The following ADGRL3 variants were observed in gnomAD, a reference collection of about 807,000 sequenced individuals.
ADGRL3 encodes calcium-independent alpha-latrotoxin receptor 3.
ADGRL3 carries 62 observed loss-of-function variants against 153.5 expected under a neutral mutation model. That is an observed-to-expected ratio of 0.40 (90% CI 0.33 to 0.50). The LOEUF (loss-of-function observed/expected upper bound fraction) is 0.50, where lower values mean the gene tolerates loss of function less well. Among genes scored for constraint, ADGRL3 ranks in the 20% least tolerant of loss-of-function variants. The pLI, the probability that ADGRL3 is intolerant of heterozygous loss-of-function variation, is 0.47. For synonymous variants in ADGRL3, 710 were observed against 672.5 expected (o/e 1.06, Z -0.86); for missense variants, 1,641 against 1,859.4 (o/e 0.88, Z 2.16).
In ADGRL3 at chr4:61,214,685, C is replaced by T. The variant is rs551854188; in HGVS notation, c.-240+12920C>T. ...ATGCTGTGGCTCATGCCTATAATCC[C>T]GGTACTTTGGGAGGCTGAGGCAGGA... On this transcript the variant is annotated intron_variant, in intron 1 of 26. Transcript: ENST00000683033. Among the ~76,000 whole-genome samples, 12 of 152,220 alleles carry T rather than the reference C, an allele frequency of 7.9e-5. No individual in the cohort carries two copies. The South Asian group carries it at 1.0e-3, about 13-fold the overall frequency.
At chr4:61,762,487 T>G (rs1483123085) in intron 8 of ADGRL3, among the ~76,000 whole-genome samples, 1 of 152,118 alleles carries the variant, frequency 6.6e-6, no homozygotes, top group Non-Finnish European at 1.5e-5. Flanking sequence ...AATTTGATAT[T>G]GAGGTGCTTG....
intron 1 of ADGRL3, among the ~76,000 whole-genome samples, chr4:61,236,130 C>T (rs1219971512): frequency 2.0e-5 from 3 of 150,270 alleles, no homozygotes; most frequent in Non-Finnish European, 4.4e-5. Flanking sequence ...CTGTCTCAAC[C>T]TCCCAAGTAG....
intron 1 of ADGRL3, among the ~76,000 whole-genome samples, chr4:61,275,305 C>T (rs2093406533): frequency 6.6e-6 from 1 of 152,090 alleles, no homozygotes; most frequent in African/African-American, 2.4e-5. Context: ...TAGAATGGTA[C>T]CTGAAACAGT....
At chr4:62,045,146 T>A (rs1011746200) in intron 25 of ADGRL3, among the ~76,000 whole-genome samples, 1 of 151,972 alleles carries the variant, frequency 6.6e-6, no homozygotes, top group South Asian at 2.1e-4. Context: ...GAAATGACGT[T>A]CCCTTAATCT....
chr4:61,764,119 A>C lies in ADGRL3; in HGVS notation c.1399+30565A>C, dbSNP rs538618511. Among the ~76,000 whole-genome samples the C allele has an allele frequency of 2.0e-5, 3 of 150,928 alleles. No homozygotes were observed. The East Asian group carries it at 5.8e-4, about 29-fold the overall frequency. On this transcript the variant is annotated intron_variant, in intron 8 of 26. Transcript: ENST00000683033. ...TAAATGTTCATTTATCTCTAAGCCAATTTGAATAAACCATTACATAATTTT... is the reference window on the plus strand; with the variant it reads ...TAAATGTTCATTTATCTCTAAGCCACTTTGAATAAACCATTACATAATTTT...
chr4:61,432,574 CTTTCTTTCT>C lies in ADGRL3; in HGVS notation c.-174+49388_-174+49396del, dbSNP rs2097370926. Among the ~76,000 whole-genome samples, 2 of 1,666 alleles carry C rather than the reference CTTTCTTTCT, an allele frequency of 1.2e-3. 1 individual carries two copies. Among genetic ancestry groups the C allele is most frequent in the South Asian group, 0.062 (2 of 32 alleles). 1.1% of individuals were successfully genotyped at this position (1,666 alleles called of 152,430 possible). On this transcript the variant is annotated intron_variant, in intron 2 of 26. Transcript: ENST00000683033. ...TTATAGATTTCTTTTCTTTCTCTTCCTTTCTTTCTTTCTTTCTTTCTTTCTTTCTTTCTT... is the reference window on the plus strand; with the variant it reads ...TTATAGATTTCTTTTCTTTCTCTTCCTTCTTTCTTTCTTTCTTTCTTTCTT...
At chr4:61,391,629 AT>A (rs201550073) in intron 2 of ADGRL3, among the ~76,000 whole-genome samples, 20 of 149,356 alleles carry the variant, frequency 1.3e-4, no homozygotes, top group East Asian at 3.9e-4. Context: ...CTATCTATTG[AT>A]TTTTTTTTTA....
At chr4:61,764,447 G>A (rs2096951344) in intron 8 of ADGRL3, among the ~76,000 whole-genome samples, 1 of 128,890 alleles carries the variant, frequency 7.8e-6, no homozygotes, top group South Asian at 2.2e-4. Flanking sequence ...GGCAGGAGTG[G>A]GGGTCGCAAG....
intron 3 of ADGRL3, among the ~76,000 whole-genome samples, chr4:61,517,040 G>A (rs992931952): frequency 2.0e-5 from 3 of 148,708 alleles, no homozygotes; most frequent in African/African-American, 7.4e-5. Context: ...CAATAATTAT[G>A]TCTAATTTTC....
chr4:61,615,402 AG>A (rs1417688275), intron 5 of ADGRL3, among the ~76,000 whole-genome samples: 1 of 152,092 alleles, frequency 6.6e-6, no homozygotes. Flanking sequence ...CACCGGTAAA[AG>A]GGTCTGTGAG....
chr4:61,432,584 T>TTC (rs1199460344), intron 2 of ADGRL3, among the ~76,000 whole-genome samples: 854 of 5,582 alleles, frequency 0.15, 71 homozygotes, highest in Middle Eastern at 0.5. Flanking sequence ...CTTTCTTTCT[T>TTC]TCTTTCTTTC....
At chr4:61,463,556 G>T (rs952605523) in intron 2 of ADGRL3, among the ~76,000 whole-genome samples, 1 of 152,056 alleles carries the variant, frequency 6.6e-6, no homozygotes, top group African/African-American at 2.4e-5. Flanking sequence ...AATTACAACT[G>T]GACATGAGAT....
intron 6 of ADGRL3, among the ~76,000 whole-genome samples, chr4:61,700,222 A>G (rs947548675): frequency 6.6e-6 from 1 of 152,198 alleles, no homozygotes; most frequent in Non-Finnish European, 1.5e-5. Context: ...CTATATTCAG[A>G]GTACTCATAG....
At chr4:61,668,162 CT>C (rs1489559871) in intron 5 of ADGRL3, among the ~76,000 whole-genome samples, 1 of 152,002 alleles carries the variant, frequency 6.6e-6, no homozygotes, top group African/African-American at 2.4e-5. Context: ...CACATTGGTC[CT>C]TTTAAGAGGG....
intron 1 of ADGRL3, among the ~76,000 whole-genome samples, chr4:61,224,589 C>T (rs927114080): frequency 1.3e-5 from 2 of 152,078 alleles, no homozygotes; most frequent in Admixed American, 6.6e-5. Flanking sequence ...TGTTGTTTAA[C>T]GTATGTCAGT....
At chr4:61,571,532 C>CA (rs1198055278) in intron 4 of ADGRL3, among the ~76,000 whole-genome samples, 1 of 151,740 alleles carries the variant, frequency 6.6e-6, no homozygotes, top group Non-Finnish European at 1.5e-5. Flanking sequence ...TAAAAAGTCT[C>CA]AGACCTGAGG....
chr4:61,661,769 A>G (rs1420683602), intron 5 of ADGRL3, among the ~76,000 whole-genome samples: 5 of 152,274 alleles, frequency 3.3e-5, no homozygotes, highest in Middle Eastern at 3.4e-3. Flanking sequence ...TTTTAACTTC[A>G]TAATTATAAA....
rs939797304 is a variant in ADGRL3, at chr4:61,539,379, T to C, written c.259+21861T>C. The stretch of plus-strand genomic sequence containing the variant: ...CTTCTATTCCTGGTTATCAGTACAA[T>C]TGACAATGCCCAGTGGGCTTTGGCA... On this transcript the variant is annotated intron_variant, in intron 4 of 26. Transcript: ENST00000683033. 3.3e-5 allele frequency among the ~76,000 whole-genome samples: 5 copies of C among 152,204 alleles called. No homozygotes were observed. In the South Asian group the frequency reaches 8.3e-4, roughly 25 times the overall value.
chr4:61,924,874 C>T (rs2098787835), intron 13 of ADGRL3, among the ~76,000 whole-genome samples: 2 of 152,158 alleles, frequency 1.3e-5, no homozygotes, highest in South Asian at 4.1e-4. Context: ...TCTTTCATTT[C>T]ACACTGTACA....
Sources: allele counts gnomAD v4.1 joint callset (sites outside exome capture counted in the v4.1 genomes callset), GRCh38; gene constraint gnomAD v4.1.1; transcripts MANE v1.5; gene names NCBI Gene and HGNC (gene_info 2026-07-23, HGNC 2026-07-21).